ANO9: variants seen among roughly 807,000 people sequenced by gnomAD.
ANO9 encodes the protein anoctamin 9.
In ANO9, 80 loss-of-function variants were observed where a neutral mutation model predicts 100.5. That is an observed-to-expected ratio of 0.80 (90% CI 0.66 to 0.96). The LOEUF is 0.96. Among genes scored for constraint, ANO9 ranks in the 40% least tolerant of loss-of-function variants. ANO9 has a pLI of 0.00. For synonymous variants in ANO9, 473 were observed against 435.6 expected, an observed-to-expected ratio of 1.09 and a Z score of -1.07; for missense variants, 1,064 against 1,072.7, an observed-to-expected ratio of 0.99 and a Z score of 0.11.
chr11:420,140 G>C, intron 19 of ANO9: 1 of 1,342,306 alleles, frequency 7.4e-7, no homozygotes, highest in Non-Finnish European at 9.6e-7. Flanking sequence ...CCGTCTCAGC[G>C]TGGCCAGTCT....
chr11:419,584 G>A lies in ANO9; in HGVS notation c.1932C>T (p.Val644=), dbSNP rs758007024. The change falls in exon 20 of 23, where the codon GTC becomes GTT. Residue 644 remains valine, a splice_region_variant and synonymous_variant. Coordinates refer to ENST00000332826, the MANE Select transcript of ANO9 (RefSeq NM_001012302.3). ...CTCCAGACACCCTGAGGCCTTACTCGACAGTAGAGTTGCCTTCTTTCAGGC... is the reference window on the plus strand; with the variant it reads ...CTCCAGACACCCTGAGGCCTTACTCAACAGTAGAGTTGCCTTCTTTCAGGC... The part of the protein sequence containing the change: ...SPCLKEGNST[V]DCLKGYVNHS... 13 of 1,613,114 alleles carry A rather than the reference G, an allele frequency of 8.1e-6. No homozygotes were observed. Among genetic ancestry groups the A allele is most frequent in the Middle Eastern group, 1.6e-4 (1 of 6,080 alleles).
rs570231120 is a variant in ANO9, at chr11:429,409, G to T, written c.915+161C>A. The T allele has an allele frequency of 3.2e-5, 46 of 1,445,828 alleles. No individual in the cohort carries two copies. In the African/African-American group the frequency reaches 4.5e-4, roughly 14 times the overall value. The allele number at this position is 1,445,828 out of a possible 1,614,324, so 89.6% of individuals were successfully genotyped here. A position where few individuals can be genotyped will look rare whatever the true frequency, so the allele number is the denominator to read the frequency against. On this transcript the variant is annotated intron_variant, in intron 11 of 22. Coordinates refer to ENST00000332826, the MANE Select transcript of ANO9 (RefSeq NM_001012302.3). ...CGTGGGGAGACAGACACAGGGACAC[G>T]CCTCACAGGTGGACAGACCAGGACA...
At chr11:433,702 C>A in intron 3 of ANO9, 113 bp downstream of exon 3, 2 of 1,453,250 alleles carry the variant, frequency 1.4e-6, no homozygotes, top group Non-Finnish European at 1.8e-6. Context: ...CCGCCATGAC[C>A]GGCCCCACAG....
chr11:426,094 G>A, intron 15 of ANO9, among the ~76,000 whole-genome samples: 1 of 152,162 alleles, frequency 6.6e-6, no homozygotes, highest in Admixed American at 6.6e-5. Flanking sequence ...ATCAGCTCAA[G>A]ATGGAACATA....
chr11:424,658 G>A (rs960366323), intron 15 of ANO9, among the ~76,000 whole-genome samples: 8 of 152,086 alleles, frequency 5.3e-5, no homozygotes, highest in African/African-American at 1.4e-4. Flanking sequence ...AGGAGTAAGA[G>A]GAGAATAACG....
chr11:430,107 G>T lies in ANO9; in HGVS notation c.747C>A (p.Leu249=). 6.4e-7 allele frequency: 1 copy of T among 1,552,226 alleles called. No individual in the cohort carries two copies. The highest frequency in any genetic ancestry group is 8.7e-7 in the Non-Finnish European group (1 of 1,148,260). The change falls in exon 9 of 23, where the codon CTC becomes CTA. Residue 249 remains leucine (L), a synonymous_variant. Coordinates refer to ENST00000332826, the MANE Select transcript of ANO9 (RefSeq NM_001012302.3). The stretch of plus-strand genomic sequence containing the variant: ...CCTTGGCAAAAGTGCAGGTTTCCGA[G>T]AGCCGCTGGTACCTGCGGCTGTGGT... ...LGDHSRRYQR[L]SETCTFAKLT...
chr11:435,979 C>T (rs770062418), intron 1 of ANO9, among the ~76,000 whole-genome samples: 8 of 150,140 alleles, frequency 5.3e-5, no homozygotes, highest in East Asian at 1.9e-4. Flanking sequence ...GCATGGGACA[C>T]GCCTACACCA....
chr11:435,653 AGTATG>A (rs1849449381), intron 1 of ANO9, among the ~76,000 whole-genome samples: 1 of 150,810 alleles, frequency 6.6e-6, no homozygotes, highest in African/African-American at 2.4e-5. Context: ...AGTCTAGTCT[AGTATG>A]GTCTAGTCTA....
chr11:427,316 C>G (rs1848575145), intron 15 of ANO9, among the ~76,000 whole-genome samples: 1 of 152,098 alleles, frequency 6.6e-6, no homozygotes, highest in Admixed American at 6.5e-5. Context: ...TGCTACTGCA[C>G]TCCAGCCTGG....
rs143695656 is a variant in ANO9 at position 437,437 on chromosome 11, T to C, written c.7-3339A>G. On this transcript the variant is annotated intron_variant, in intron 1 of 22. Transcript: ENST00000332826. ...TCTTGCCCTAGTTGGCCCACGGGGC[T>C]CACCTGGCCCTTCTGTCCTATCCTA... 8.4e-3 allele frequency among the ~76,000 whole-genome samples: 1,260 copies of C among 150,220 alleles called. 15 individuals are homozygous for C. The highest frequency in any genetic ancestry group is 8.1e-3 in the Non-Finnish European group (550 of 67,578).
At position 432,881 on chromosome 11, in the gene ANO9, G is replaced by A. The variant is rs1443437871; in HGVS notation, c.350+433C>T. 1.2e-5 allele frequency: 2 copies of A among 168,048 alleles called. No individual in the cohort carries two copies. The highest frequency in any genetic ancestry group is 2.4e-5 in the African/African-American group (1 of 41,820). 10.4% of individuals were successfully genotyped at this position (168,048 alleles called of 1,614,324 possible). On this transcript the variant is annotated intron_variant, in intron 4 of 22. Coordinates refer to ENST00000332826, the MANE Select transcript of ANO9 (RefSeq NM_001012302.3). The surrounding 1 kb of genome is among the most constrained non-coding windows in gnomAD (Gnocchi z 4.8). ...GGGGAGAAGCAGGGCCTTAGGGAGCGAGGAGGGTGTCCCTGCTGGGCCTCT... is the reference window on the plus strand; with the variant it reads ...GGGGAGAAGCAGGGCCTTAGGGAGCAAGGAGGGTGTCCCTGCTGGGCCTCT...
rs141612749 is a variant in ANO9, at chr11:428,120, C to T, written c.1302G>A (p.Ser434=). ...GGATGAAGGCGATGTAGATGAGAGA[C>T]GAGAAATGGGTGAAGAACTGCAGTG... ...FFTLQFFTHF[S]SLIYIAFILG... is the part of the protein sequence containing the mutation. Residue 434 remains serine, a synonymous_variant, in exon 15 of 23, where the codon TCG becomes TCA. Transcript: ENST00000332826. 5.4e-5 allele frequency: 87 copies of T among 1,610,220 alleles called. 2 individuals are homozygous for T. In the Middle Eastern group the frequency reaches 1.6e-3, roughly 30 times the overall value.
At chr11:441,855 G>A (rs1845907742) in intron 1 of ANO9, 66 bp downstream of exon 1, 5 of 1,570,778 alleles carry the variant, frequency 3.2e-6, no homozygotes, top group Non-Finnish European at 3.4e-6. Flanking sequence ...GCTGGGGCCG[G>A]GGGCCCCAGG....
At position 420,611 on chromosome 11, in the gene ANO9, G is replaced by C; in HGVS notation, c.1638C>G (p.Ile546Met). Residue 546 changes from isoleucine to methionine, a missense_variant, in exon 19 of 23, where the codon ATC becomes ATG. Coordinates refer to ENST00000332826, the MANE Select transcript of ANO9 (RefSeq NM_001012302.3). ...SLFDEFMEMM[I>M]QYGFTTIFVA... ...CGAAGATGGTGGTGAAGCCGTACTG[G>C]ATCACTGCGCGGTGGGGGTCAGGCT... 1.2e-6 allele frequency: 2 copies of C among 1,604,766 alleles called. No homozygotes were observed. The highest frequency in any genetic ancestry group is 2.2e-5 in the South Asian group (2 of 90,998).
At chr11:426,224 G>A (rs1290839414) in intron 15 of ANO9, among the ~76,000 whole-genome samples, 1 of 152,166 alleles carries the variant, frequency 6.6e-6, no homozygotes, top group Non-Finnish European at 1.5e-5. Context: ...GCGACTGCAG[G>A]TGCAGTGGGT....
In ANO9 at chr11:428,386, C is replaced by G. The variant is rs756239037; in HGVS notation, c.1194G>C (p.Arg398Ser). 1 of 1,612,558 alleles carries G rather than the reference C, an allele frequency of 6.2e-7. No homozygotes were observed. The highest frequency in any genetic ancestry group is 1.3e-5 in the African/African-American group (1 of 74,928). The change falls in exon 14 of 23, where the codon AGG becomes AGC. Residue 398 changes from arginine (R) to serine (S), a missense_variant. Arg to Ser is a moderately radical substitution (Grantham distance 110). Coordinates refer to ENST00000332826, the MANE Select transcript of ANO9 (RefSeq NM_001012302.3). ...AGTCACAAAGCTTCAGGGCCACGCA[C>G]CTGTTGATCTGCGGAGGAGGGCACC... is the stretch of plus-strand genomic sequence containing the variant. ...VTIIIMTKIN[R>S]CVALKLCDFE...
rs777674119 is a variant in ANO9, at chr11:430,314, A to G, written c.629T>C (p.Leu210Ser). The G allele has an allele frequency of 5.6e-6, 9 of 1,607,308 alleles. No homozygotes were observed. The South Asian group carries it at 8.9e-5, about 16-fold the overall frequency. ...CAGCGAGAATCCGCTCAGAAAGACT[A>G]AGAGGCCCGTCAGGGCGGCCGGCAC... ...MLVPAALTGL[L>S]VFLSGFSLFE... Residue 210 changes from leucine (L) to serine (S), a missense_variant, in exon 8 of 23, where the codon TTA becomes TCA. By Grantham distance (145) the Leu-to-Ser change is moderately radical. Transcript: ENST00000332826.
intron 20 of ANO9, 69 bp from the exon 21 acceptor site, chr11:419,058 C>T (rs1216714978): frequency 8.1e-6 from 13 of 1,605,662 alleles, no homozygotes; most frequent in African/African-American, 4.0e-5. Context: ...CCCCAGAGTG[C>T]TTCTAGCCTG....
intron 1 of ANO9, chr11:440,301 G>A (rs1845759827): frequency 6.6e-6 from 1 of 152,554 alleles, no homozygotes; most frequent in Non-Finnish European, 1.5e-5. Flanking sequence ...GCTGGAGGTT[G>A]GCAGAGGCCA....
Sources: allele counts gnomAD v4.1 joint callset (sites outside exome capture counted in the v4.1 genomes callset), GRCh38; gene constraint gnomAD v4.1.1; non-coding constraint Gnocchi (gnomAD v3.1); transcripts MANE v1.5; gene names NCBI Gene and HGNC (gene_info 2026-07-23, HGNC 2026-07-21).